Variants in SOX5 observed in about 807,000 individuals in gnomAD.
The protein encoded by SOX5 is SRY-box transcription factor 5.
SOX5 carries 9 observed loss-of-function variants against 92.0 expected under a neutral mutation model. That is an observed-to-expected ratio of 0.10 (90% CI 0.06 to 0.17). The LOEUF is 0.17. SOX5 is among the 10% of genes least tolerant of loss of function. SOX5 has a pLI of 1.00. For missense variants in SOX5, 642 were observed against 944.5 expected (o/e 0.68, Z 4.20); for synonymous variants, 344 against 336.3 (o/e 1.02, Z -0.25).
At chr12:24,345,500 C>T (rs1953120041) in intron 2 of SOX5, among the ~76,000 whole-genome samples, 1 of 152,132 alleles carries the variant, frequency 6.6e-6, no homozygotes, top group African/African-American at 2.4e-5. Context: ...GATGGATCTT[C>T]CAAACTATTT....
intron 2 of SOX5, among the ~76,000 whole-genome samples, chr12:24,338,636 TAGCTCCC>T (rs1952189776): frequency 1.3e-5 from 2 of 152,332 alleles, no homozygotes; most frequent in Non-Finnish European, 2.9e-5. Context: ...CATTGAACTG[TAGCTCCC>T]ATAATCCCCA....
intron 2 of SOX5, among the ~76,000 whole-genome samples, chr12:23,877,959 GT>G (rs1427777623): frequency 4.6e-5 from 7 of 151,794 alleles, no homozygotes; most frequent in African/African-American, 1.7e-4. Context: ...TTCGGGTTCT[GT>G]TTTATGACTC....
At chr12:23,693,370 T>G (rs1231623816) in intron 6 of SOX5, among the ~76,000 whole-genome samples, 1 of 152,144 alleles carries the variant, frequency 6.6e-6, no homozygotes, top group Non-Finnish European at 1.5e-5. Context: ...GTGATCCACC[T>G]GCCTCAGCCT....
chr12:24,396,493 C>A (rs191984223), intron 1 of SOX5, among the ~76,000 whole-genome samples: 107 of 152,316 alleles, frequency 7.0e-4, no homozygotes, highest in Middle Eastern at 3.4e-3. Flanking sequence ...TAGAGCTGCC[C>A]GGTTCCCATT....
At chr12:24,356,955 T>C (rs1056102823) in intron 2 of SOX5, among the ~76,000 whole-genome samples, 2 of 152,204 alleles carry the variant, frequency 1.3e-5, no homozygotes, top group African/African-American at 4.8e-5. Context: ...TTAACCCTTT[T>C]GACAGATCCA....
At chr12:24,220,138 A>T (rs1960054438) in intron 3 of SOX5, among the ~76,000 whole-genome samples, 1 of 152,088 alleles carries the variant, frequency 6.6e-6, no homozygotes, top group Non-Finnish European at 1.5e-5. Context: ...ATAAATAAAT[A>T]ATGTGAAAAA....
intron 4 of SOX5, among the ~76,000 whole-genome samples, chr12:24,029,891 G>T (rs1328071090): frequency 6.6e-6 from 1 of 152,014 alleles, no homozygotes; most frequent in African/African-American, 2.4e-5. Context: ...CAAGAGTAAA[G>T]AAATGTTAAT....
intron 1 of SOX5, among the ~76,000 whole-genome samples, chr12:24,408,031 G>T (rs1167091101): frequency 6.6e-6 from 1 of 152,174 alleles, no homozygotes; most frequent in Non-Finnish European, 1.5e-5. Context: ...TGTTTGAGCA[G>T]AGATCTCGAT....
At chr12:23,971,123 T>TTTTTTA (rs1183292609) in intron 4 of SOX5, among the ~76,000 whole-genome samples, 1 of 49,820 alleles carries the variant, frequency 2.0e-5, no homozygotes, top group Non-Finnish European at 5.5e-5. Flanking sequence ...TCAGCTGACT[T>TTTTTTA]TTTTTTTTTT....
chr12:24,227,700 A>G (rs1235298324), intron 3 of SOX5: 3 of 152,196 alleles, frequency 2.0e-5, no homozygotes, highest in Non-Finnish European at 4.4e-5. Context: ...TCATCTAATT[A>G]TCACATACAG....
At chr12:23,536,432 A>T in intron 14 of SOX5, 21 bp downstream of exon 14, 1 of 1,594,622 alleles carries the variant, frequency 6.3e-7, no homozygotes, top group Non-Finnish European at 8.6e-7. Context: ...CCCATGAGAA[A>T]AATGACTAAA....
intron 3 of SOX5, among the ~76,000 whole-genome samples, chr12:23,763,838 G>T (rs1286322498): frequency 6.6e-6 from 1 of 151,994 alleles, no homozygotes; most frequent in African/African-American, 2.4e-5. Flanking sequence ...TTATATATTA[G>T]CACTGAGCCC....
At chr12:23,796,302 A>G (rs1410489993) in intron 3 of SOX5, among the ~76,000 whole-genome samples, 2 of 152,250 alleles carry the variant, frequency 1.3e-5, no homozygotes, top group Admixed American at 6.6e-5. Context: ...GTCAATGGAG[A>G]AAAGCAGGGA....
chr12:24,068,487 A>G (rs1482725405), intron 4 of SOX5, among the ~76,000 whole-genome samples: 1 of 151,890 alleles, frequency 6.6e-6, no homozygotes, highest in Non-Finnish European at 1.5e-5. Flanking sequence ...GATGATAAAT[A>G]AAAGAGATTA....
intron 1 of SOX5, among the ~76,000 whole-genome samples, chr12:23,930,393 G>A (rs1278666382): frequency 6.6e-6 from 1 of 151,630 alleles, no homozygotes. Context: ...TGAAGATCAG[G>A]CTCAAGTAAA....
chr12:23,717,875 T>C (rs1408670967), intron 6 of SOX5, among the ~76,000 whole-genome samples: 3 of 152,228 alleles, frequency 2.0e-5, no homozygotes, highest in East Asian at 1.9e-4. Context: ...TGAACAGTTA[T>C]TGGCACTGGG....
rs1277244660 is a variant in SOX5 at position 23,917,425 on chromosome 12, T to C, written c.39-21401A>G. Among the ~76,000 whole-genome samples the C allele has an allele frequency of 3.9e-5, 6 of 152,026 alleles. No individual in the cohort carries two copies. In the South Asian group the frequency reaches 1.2e-3, roughly 32 times the overall value. Reference sequence around the variant, plus strand: ...AAAAATGGATAGGCCTGGTGGCTCATGCCTTTAATTCCAGCTACTCTGGTG... The same window carrying C: ...AAAAATGGATAGGCCTGGTGGCTCACGCCTTTAATTCCAGCTACTCTGGTG... On this transcript the variant is annotated intron_variant, in intron 1 of 14. Transcript: ENST00000451604.
At chr12:23,690,134 G>T (rs1050820389) in intron 6 of SOX5, among the ~76,000 whole-genome samples, 7 of 152,156 alleles carry the variant, frequency 4.6e-5, no homozygotes, top group African/African-American at 1.7e-4. Context: ...CCAGCAAGCG[G>T]TCCCTGAGTC....
intron 9 of SOX5, among the ~76,000 whole-genome samples, chr12:23,599,579 T>C (rs887440275): frequency 1.3e-5 from 2 of 152,222 alleles, no homozygotes; most frequent in African/African-American, 4.8e-5. Flanking sequence ...AATATGTAAG[T>C]TTCCGTCAAA....
Sources: gnomAD v4.1 joint callset for allele counts (sites outside exome capture counted in the v4.1 genomes callset) on GRCh38, gnomAD v4.1.1 for gene constraint, MANE v1.5 for transcripts, NCBI Gene and HGNC (gene_info 2026-07-23, HGNC 2026-07-21) for gene names.